AP3B1: variants seen among roughly 807,000 people sequenced by gnomAD.
AP3B1 encodes the protein AP-3 complex subunit beta-1.
A neutral mutation model predicts 132.5 loss-of-function variants in AP3B1; 61 were observed. The observed-to-expected ratio is 0.46, with a 90% CI of 0.37 to 0.57. The LOEUF is 0.57. Among genes scored for constraint, AP3B1 ranks in the 20% least tolerant of loss-of-function variants. The pLI, the probability that AP3B1 is intolerant of heterozygous loss-of-function variation, is 0.00. For missense variants in AP3B1, 1,120 were observed against 1,289.4 expected (o/e 0.87, Z 2.01); for synonymous variants, 388 against 438.3 (o/e 0.89, Z 1.43).
chr5:78,081,225 C>T (rs10514135), intron 22 of AP3B1, among the ~76,000 whole-genome samples: 5,308 of 151,518 alleles, frequency 0.035, 197 homozygotes, highest in East Asian at 0.14. Flanking sequence ...GCACAGAATA[C>T]GACACAAGGA....
At chr5:78,286,435 T>C (rs1749284398) in intron 1 of AP3B1, among the ~76,000 whole-genome samples, 1 of 152,158 alleles carries the variant, frequency 6.6e-6, no homozygotes, top group Non-Finnish European at 1.5e-5. Flanking sequence ...TCTCTTGCCC[T>C]TCCACCTTCT....
chr5:78,192,103 G>A lies in AP3B1; in HGVS notation c.787-10441C>T, dbSNP rs187496816. On this transcript the variant is annotated intron_variant, in intron 7 of 26. Coordinates refer to ENST00000255194, the MANE Select transcript of AP3B1 (RefSeq NM_003664.5). ...TCGAACTCCCAACCTCAGGTGATCCGCCCGCCTCGGCTTCCCAAAGTGCTG... is the reference window on the plus strand; with the variant it reads ...TCGAACTCCCAACCTCAGGTGATCCACCCGCCTCGGCTTCCCAAAGTGCTG... Among the ~76,000 whole-genome samples the A allele has an allele frequency of 9.2e-5, 14 of 151,372 alleles. No homozygotes were observed. The South Asian group carries it at 1.7e-3, about 18-fold the overall frequency.
intron 5 of AP3B1, among the ~76,000 whole-genome samples, chr5:78,225,932 T>G (rs1444857348): frequency 5.3e-5 from 8 of 151,844 alleles, no homozygotes; most frequent in Admixed American, 5.2e-4. Context: ...TCTTTTCAAC[T>G]GGGAGGAAAA....
intron 3 of AP3B1, among the ~76,000 whole-genome samples, chr5:78,234,234 G>T (rs1158174764): frequency 6.6e-6 from 1 of 151,902 alleles, no homozygotes; most frequent in Admixed American, 6.6e-5. Context: ...TCAACCTTCA[G>T]AATTTTTCAA....
chr5:78,125,470 T>A (rs1426550185), intron 17 of AP3B1, among the ~76,000 whole-genome samples: 1 of 152,104 alleles, frequency 6.6e-6, no homozygotes, highest in Non-Finnish European at 1.5e-5. Flanking sequence ...ATTATATGCA[T>A]GAAATACAGT....
intron 22 of AP3B1, among the ~76,000 whole-genome samples, chr5:78,062,209 T>A (rs1468985131): frequency 1.3e-5 from 2 of 152,190 alleles, no homozygotes; most frequent in Non-Finnish European, 2.9e-5. Context: ...GACAGGGTAG[T>A]TAGATGTGGT....
At chr5:78,023,990 A>G (rs1747217683) in intron 24 of AP3B1, among the ~76,000 whole-genome samples, 1 of 152,194 alleles carries the variant, frequency 6.6e-6, no homozygotes, top group Non-Finnish European at 1.5e-5. Flanking sequence ...GCAAGGTCTT[A>G]GGAGAGGTAA....
At position 78,039,121 on chromosome 5, in the gene AP3B1, C is replaced by T. The variant is rs1310048329; in HGVS notation, c.2731G>A (p.Asp911Asn). The T allele has an allele frequency of 6.2e-7, 1 of 1,613,350 alleles. No individual in the cohort carries two copies. The highest frequency in any genetic ancestry group is 1.3e-5 in the African/African-American group (1 of 74,824). Reference protein sequence around the residue: ...SIQITLNNTTDRKIENIHIGE... With the variant: ...SIQITLNNTTNRKIENIHIGE... ...ATGTGGATATTTTCTATCTTTCGAT[C>T]AGTAGTGTTATTCAGTGTTATTTGT... The change falls in exon 23 of 27, where the codon GAT (aspartate) becomes AAT (asparagine). Residue 911 changes from aspartate (D) to asparagine (N), a missense_variant. Coordinates refer to ENST00000255194, the MANE Select transcript of AP3B1 (RefSeq NM_003664.5).
intron 22 of AP3B1, among the ~76,000 whole-genome samples, chr5:78,072,657 G>C (rs1749587953): frequency 6.8e-6 from 1 of 147,126 alleles, no homozygotes; most frequent in African/African-American, 2.5e-5. Flanking sequence ...GCTTATAAAA[G>C]CTGTATATAA....
chr5:78,244,192 G>A (rs1747272377), intron 2 of AP3B1, among the ~76,000 whole-genome samples: 3 of 152,186 alleles, frequency 2.0e-5, no homozygotes, highest in African/African-American at 7.2e-5. Context: ...CCAGGAGTTT[G>A]TGACCAGCCC....
chr5:78,096,158 G>A (rs568104905), intron 21 of AP3B1, among the ~76,000 whole-genome samples: 47 of 152,312 alleles, frequency 3.1e-4, no homozygotes, highest in Admixed American at 1.5e-3. Context: ...TGGCAGGCGC[G>A]CGCCGCCATG....
Position 78,034,457 on chromosome 5 carries a change from G to A in AP3B1, c.2810-12C>T, listed in dbSNP as rs1747713681. 1 of 1,585,488 alleles carries A rather than the reference G, an allele frequency of 6.3e-7. No individual in the cohort carries two copies. Among genetic ancestry groups the A allele is most frequent in the Non-Finnish European group, 8.7e-7 (1 of 1,154,328 alleles). Reference sequence around the variant, plus strand: ...AGGCTCAAGAGAGTCTAGGAAATAAGATAATTTAGACATGAAAACACAGAG... The same window carrying A: ...AGGCTCAAGAGAGTCTAGGAAATAAAATAATTTAGACATGAAAACACAGAG... On this transcript the variant is annotated splice_polypyrimidine_tract_variant and intron_variant, in intron 23 of 26. Transcript: ENST00000255194.
intron 2 of AP3B1, among the ~76,000 whole-genome samples, 162 bp from the exon 3 acceptor site, chr5:78,241,098 TATAA>T (rs1747115709): frequency 6.6e-6 from 1 of 152,154 alleles, no homozygotes; most frequent in Non-Finnish European, 1.5e-5. Context: ...TGTACAGCAA[TATAA>T]ATACACAAAT....
chr5:78,073,012 G>A (rs1441081383), intron 22 of AP3B1, among the ~76,000 whole-genome samples: 1 of 151,964 alleles, frequency 6.6e-6, no homozygotes, highest in South Asian at 2.1e-4. Context: ...GAGCCACCAC[G>A]CCCAGCCCAC....
intron 11 of AP3B1, among the ~76,000 whole-genome samples, chr5:78,174,637 G>A (rs772709839): frequency 7.9e-5 from 12 of 152,180 alleles, no homozygotes; most frequent in Non-Finnish European, 1.0e-4. Context: ...GGTGTCTGTC[G>A]GCCCCTAGTG....
At chr5:78,253,398 A>G (rs1319757301) in intron 2 of AP3B1, among the ~76,000 whole-genome samples, 1 of 152,222 alleles carries the variant, frequency 6.6e-6, no homozygotes, top group Non-Finnish European at 1.5e-5. Context: ...CCAAGTTCCT[A>G]TGAATACTAG....
At chr5:78,119,768 A>G (rs1752072007) in intron 17 of AP3B1, among the ~76,000 whole-genome samples, 2 of 152,228 alleles carry the variant, frequency 1.3e-5, no homozygotes, top group Admixed American at 1.3e-4. Context: ...AACACTCTGC[A>G]GGATATTATC....
At chr5:78,218,183 A>G (rs1746037300) in intron 6 of AP3B1, among the ~76,000 whole-genome samples, 1 of 152,106 alleles carries the variant, frequency 6.6e-6, no homozygotes, top group Admixed American at 6.5e-5. Flanking sequence ...TGGGCTAAAC[A>G]CTACAAGGAA....
chr5:78,128,373 G>A (rs942243060), intron 16 of AP3B1, among the ~76,000 whole-genome samples: 1 of 152,096 alleles, frequency 6.6e-6, no homozygotes, highest in Non-Finnish European at 1.5e-5. Context: ...TAATCAGTCA[G>A]TGTGTTTAGA....
Sources: allele counts gnomAD v4.1 joint callset (sites outside exome capture counted in the v4.1 genomes callset), GRCh38; gene constraint gnomAD v4.1.1; transcripts MANE v1.5; gene names NCBI Gene and HGNC (gene_info 2026-07-23, HGNC 2026-07-21).